Variants in MTHFD1 observed in about 807,000 individuals in gnomAD.
MTHFD1 encodes the protein C-1-tetrahydrofolate synthase, cytoplasmic.
In MTHFD1, 44 loss-of-function variants were observed where a neutral mutation model predicts 110.3. The ratio of observed to expected loss-of-function variants is 0.40; its 90% CI spans 0.31 to 0.51. The LOEUF (loss-of-function observed/expected upper bound fraction) is 0.51, where lower values mean the gene tolerates loss of function less well. Ranked by LOEUF, MTHFD1 falls within the 20% of genes least tolerant of loss-of-function variation. MTHFD1 has a pLI of 0.60. For missense variants in MTHFD1, 909 were observed against 1,173.1 expected (o/e 0.77, Z 3.29); for synonymous variants, 402 against 428.8 (o/e 0.94, Z 0.77).
In MTHFD1 at chr14:64,427,389, G is replaced by A; in HGVS notation, c.1180G>A (p.Val394Met). 4 of 1,614,218 alleles carry A rather than the reference G, an allele frequency of 2.5e-6. No homozygotes were observed. The highest frequency in any genetic ancestry group is 3.4e-6 in the Non-Finnish European group (4 of 1,180,034). The change falls in exon 12 of 28, where the codon GTG (valine) becomes ATG (methionine). Residue 394 changes from valine (V) to methionine (M), a missense_variant. This residue lies in a region of MTHFD1 where 424 missense variants were observed against 510.4 expected (regional missense o/e 0.83). Coordinates refer to ENST00000652337, the MANE Select transcript of MTHFD1 (RefSeq NM_005956.4). Reference protein sequence around the residue: ...EGKSTTTIGLVQALGAHLYQN... With the variant: ...EGKSTTTIGLMQALGAHLYQN... ...GAAAAGCACAACTACAATCGGGCTA[G>A]TGCAAGCCCTTGGTGCCCATCTCTA...
chr14:64,397,099 C>CCCCAATTTATCCCCT (rs1566552956), intron 1 of MTHFD1, among the ~76,000 whole-genome samples: 4 of 38,070 alleles, frequency 1.1e-4, no homozygotes, highest in African/African-American at 5.4e-4. Flanking sequence ...AGGGAGACTG[C>CCCCAATTTATCCCCT]GTCTCAAAAA....
chr14:64,413,206 G>T (rs952974035), intron 4 of MTHFD1, among the ~76,000 whole-genome samples: 4 of 151,932 alleles, frequency 2.6e-5, no homozygotes, highest in Non-Finnish European at 5.9e-5. Flanking sequence ...TACAAAATTT[G>T]CCAGGCGTGG....
intron 4 of MTHFD1, among the ~76,000 whole-genome samples, chr14:64,414,584 A>G (rs2078011034): frequency 2.0e-5 from 3 of 150,340 alleles, no homozygotes; most frequent in Non-Finnish European, 3.0e-5. Flanking sequence ...ATAATTTTCT[A>G]TATTTTGGGA....
At chr14:64,446,687 AC>A (rs1349783067) in intron 22 of MTHFD1, among the ~76,000 whole-genome samples, 2 of 151,830 alleles carry the variant, frequency 1.3e-5, no homozygotes, top group East Asian at 1.9e-4. Context: ...GACTACAAGC[AC>A]CCACCATCAT....
At chr14:64,446,988 C>T (rs757001871) in intron 22 of MTHFD1, among the ~76,000 whole-genome samples, 30 of 152,068 alleles carry the variant, frequency 2.0e-4, no homozygotes, top group African/African-American at 3.4e-4. Context: ...AACAGGAACA[C>T]GCCACCACAC....
At chr14:64,455,063 C>T (rs2078447421) in intron 26 of MTHFD1, 188 bp downstream of exon 26, 2 of 626,058 alleles carry the variant, frequency 3.2e-6, no homozygotes, top group African/African-American at 1.8e-5. Context: ...TGCTGTGGAC[C>T]ATCTTGGTGT....
At chr14:64,443,893 C>G (rs990747668) in intron 21 of MTHFD1, among the ~76,000 whole-genome samples, 2 of 152,286 alleles carry the variant, frequency 1.3e-5, no homozygotes, top group African/African-American at 4.8e-5. Flanking sequence ...CATTAGCTTG[C>G]TGACGGGAAG....
intron 26 of MTHFD1, among the ~76,000 whole-genome samples, chr14:64,457,490 C>T (rs1262522639): frequency 1.2e-4 from 18 of 149,574 alleles, no homozygotes; most frequent in Non-Finnish European, 5.9e-5. Flanking sequence ...GAGTCTTGCT[C>T]TGTCACCCAG....
intron 16 of MTHFD1, among the ~76,000 whole-genome samples, chr14:64,436,886 T>C (rs1403955978): frequency 6.6e-6 from 1 of 152,252 alleles, no homozygotes; most frequent in Non-Finnish European, 1.5e-5. Context: ...GAGGCAGTCA[T>C]ACCTATTGAC....
intron 16 of MTHFD1, among the ~76,000 whole-genome samples, chr14:64,435,882 G>T (rs2078202513): frequency 6.6e-6 from 1 of 152,264 alleles, no homozygotes; most frequent in Non-Finnish European, 1.5e-5. Flanking sequence ...TTGTTGGATT[G>T]GTCGAACATT....
Position 64,421,426 on chromosome 14 carries a change from G to A in MTHFD1, c.727+1501G>A, listed in dbSNP as rs2078069661. On this transcript the variant is annotated intron_variant, in intron 8 of 27. Coordinates refer to ENST00000652337, the MANE Select transcript of MTHFD1 (RefSeq NM_005956.4). Reference sequence around the variant, plus strand: ...TGAGCTGCCAGGAACATTAGTCACTGTCAAGCCTTCACCGTTTTTAACCTC... The same window carrying A: ...TGAGCTGCCAGGAACATTAGTCACTATCAAGCCTTCACCGTTTTTAACCTC... 2.0e-5 allele frequency among the ~76,000 whole-genome samples: 3 copies of A among 152,076 alleles called. No homozygotes were observed. In the South Asian group the frequency reaches 6.2e-4, roughly 32 times the overall value.
chr14:64,393,165 C>T (rs988812131), intron 1 of MTHFD1, among the ~76,000 whole-genome samples: 31 of 151,976 alleles, frequency 2.0e-4, no homozygotes, highest in Non-Finnish European at 3.8e-4. Context: ...TTTGGGAGGC[C>T]CAGGCAGGAG....
intron 16 of MTHFD1, among the ~76,000 whole-genome samples, chr14:64,438,755 C>T (rs1212455752): frequency 2.0e-5 from 3 of 152,182 alleles, no homozygotes; most frequent in Non-Finnish European, 4.4e-5. Context: ...AGAACAACAA[C>T]ACAAACCTCA....
intron 25 of MTHFD1, 129 bp downstream of exon 25, chr14:64,453,990 T>A: frequency 1.4e-6 from 1 of 703,066 alleles, no homozygotes. Context: ...TTCTCTCCTC[T>A]GAAATACTGA....
intron 1 of MTHFD1, among the ~76,000 whole-genome samples, chr14:64,395,822 C>A (rs893606578): frequency 2.0e-5 from 3 of 152,072 alleles, no homozygotes; most frequent in East Asian, 1.9e-4. Flanking sequence ...GTGCTGAGAT[C>A]GAAAAACCCT....
At chr14:64,420,409 A>G (rs1369672613) in intron 8 of MTHFD1, among the ~76,000 whole-genome samples, 1 of 151,934 alleles carries the variant, frequency 6.6e-6, no homozygotes. Flanking sequence ...CATGTCCAAA[A>G]CTGTACTCGG....
Position 64,402,810 on chromosome 14 carries a change from A to AT in MTHFD1, c.126+1933_126+1934insT, listed in dbSNP as rs2077908348. ...GGTGACAGTGAGATCCTGTCTCAAA[A>AT]AAAAATAAAAATAAAAATAAAAAAG... On this transcript the variant is annotated intron_variant, in intron 2 of 27. Transcript: ENST00000652337. Among the ~76,000 whole-genome samples the AT allele has an allele frequency of 7.9e-5, 12 of 151,334 alleles. No individual in the cohort carries two copies. In the South Asian group the frequency reaches 2.5e-3, roughly 32 times the overall value.
chr14:64,401,991 G>T (rs1457451675), intron 2 of MTHFD1, among the ~76,000 whole-genome samples: 1 of 152,178 alleles, frequency 6.6e-6, no homozygotes, highest in Non-Finnish European at 1.5e-5. Context: ...ATACAGATGT[G>T]TAGCTATAAA....
intron 23 of MTHFD1, 25 bp from the exon 24 acceptor site, chr14:64,449,420 T>G (rs1566575638): frequency 6.2e-7 from 1 of 1,611,600 alleles, no homozygotes; most frequent in Non-Finnish European, 8.5e-7. Context: ...TTTCCATGCT[T>G]TGATATGAAA....
Sources: gnomAD v4.1 joint callset for allele counts (sites outside exome capture counted in the v4.1 genomes callset) on GRCh38, gnomAD v4.1.1 for gene constraint, gnomAD v4.1.1 regional missense constraint, MANE v1.5 for transcripts, NCBI Gene and HGNC (gene_info 2026-07-23, HGNC 2026-07-21) for gene names.